The following ERC2 variants were observed in gnomAD, a reference collection of about 807,000 sequenced individuals.
The protein encoded by ERC2 is ERC protein 2.
In ERC2, 42 loss-of-function variants were observed where a neutral mutation model predicts 114.8. The observed-to-expected ratio is 0.37, with a 90% CI of 0.29 to 0.47. The LOEUF is 0.47. ERC2 is among the 20% of genes least tolerant of loss of function. ERC2 has a pLI of 0.99. For missense variants in ERC2, 939 were observed against 1,150.7 expected (o/e 0.82, Z 2.66); for synonymous variants, 454 against 425.5 (o/e 1.07, Z -0.82).
chr3:55,716,156 C>G (rs1482430704), intron 15 of ERC2, among the ~76,000 whole-genome samples: 1 of 152,148 alleles, frequency 6.6e-6, no homozygotes, highest in African/African-American at 2.4e-5. Flanking sequence ...ACAGTGGCTC[C>G]CTATGTCATG....
chr3:55,847,280 A>AT (rs938568358), intron 14 of ERC2, among the ~76,000 whole-genome samples: 78 of 151,594 alleles, frequency 5.1e-4, no homozygotes, highest in African/African-American at 1.9e-3. Context: ...TTAAATGAGG[A>AT]TTTTCACCCT....
intron 15 of ERC2, among the ~76,000 whole-genome samples, chr3:55,712,663 T>A (rs1022282182): frequency 6.6e-6 from 1 of 152,182 alleles, no homozygotes; most frequent in African/African-American, 2.4e-5. Context: ...GGAGACTCAA[T>A]AGCTATTTGA....
chr3:55,678,497 C>G (rs2061915525), intron 17 of ERC2, among the ~76,000 whole-genome samples: 1 of 152,090 alleles, frequency 6.6e-6, no homozygotes. Context: ...TTTGTTTTTC[C>G]ACAGATTGCT....
At chr3:56,181,303 A>T (rs1434418834) in intron 3 of ERC2, among the ~76,000 whole-genome samples, 1 of 152,210 alleles carries the variant, frequency 6.6e-6, no homozygotes, top group Non-Finnish European at 1.5e-5. Context: ...TTTTGTCTAC[A>T]GAGGTTATCA....
At chr3:55,681,159 T>G (rs17055734) in intron 17 of ERC2, among the ~76,000 whole-genome samples, 2,818 of 152,280 alleles carry the variant, frequency 0.019, 103 homozygotes, top group African/African-American at 0.065. Flanking sequence ...CACTCTTGAA[T>G]GACCATAGTG....
chr3:56,429,972 CG>C (rs2061723416), intron 2 of ERC2, among the ~76,000 whole-genome samples: 1 of 152,068 alleles, frequency 6.6e-6, no homozygotes, highest in Non-Finnish European at 1.5e-5. Context: ...CAGGAGCCCT[CG>C]ACAACGCTGC....
chr3:55,873,187 G>T (rs2062664528), intron 14 of ERC2, among the ~76,000 whole-genome samples: 1 of 152,194 alleles, frequency 6.6e-6, no homozygotes, highest in African/African-American at 2.4e-5. Flanking sequence ...GTTGATGGGA[G>T]CCAATGCAGA....
At chr3:55,515,904 G>T (rs956455586) in intron 17 of ERC2, among the ~76,000 whole-genome samples, 3 of 152,112 alleles carry the variant, frequency 2.0e-5, no homozygotes, top group African/African-American at 7.2e-5. Context: ...GGGAGAAAGG[G>T]GTCTTTGGTA....
chr3:56,212,586 C>G (rs1482348587), intron 3 of ERC2, among the ~76,000 whole-genome samples: 1 of 152,160 alleles, frequency 6.6e-6, no homozygotes, highest in Non-Finnish European at 1.5e-5. Flanking sequence ...CCATTTGATC[C>G]AGCAATCCCA....
chr3:55,906,214 C>T (rs1214816739), intron 13 of ERC2, among the ~76,000 whole-genome samples: 1 of 150,402 alleles, frequency 6.6e-6, no homozygotes, highest in Non-Finnish European at 1.5e-5. Context: ...CGGTGGCTCA[C>T]GAGGTCAGGA....
intron 14 of ERC2, among the ~76,000 whole-genome samples, chr3:55,813,089 G>GA (rs374137384): frequency 6.6e-5 from 10 of 152,174 alleles, no homozygotes; most frequent in African/African-American, 2.4e-4. Context: ...CCGAAGCACA[G>GA]AAAAACCAAG....
At chr3:56,113,150 G>A (rs984097371) in intron 6 of ERC2, among the ~76,000 whole-genome samples, 3 of 152,066 alleles carry the variant, frequency 2.0e-5, no homozygotes, top group African/African-American at 7.2e-5. Context: ...ATTTATAAGA[G>A]ATATCAGATT....
chr3:55,867,155 C>G (rs1455422871), intron 14 of ERC2, among the ~76,000 whole-genome samples: 2 of 151,684 alleles, frequency 1.3e-5, no homozygotes, highest in Non-Finnish European at 2.9e-5. Flanking sequence ...CTTCCTAAGT[C>G]CCTTCCTTTC....
intron 3 of ERC2, among the ~76,000 whole-genome samples, chr3:56,259,733 G>C (rs1242078451): frequency 6.6e-6 from 1 of 152,044 alleles, no homozygotes; most frequent in African/African-American, 2.4e-5. Context: ...CTGCCCTAAG[G>C]GACCATGGAA....
intron 14 of ERC2, among the ~76,000 whole-genome samples, chr3:55,744,398 G>T (rs945862334): frequency 6.6e-6 from 1 of 151,904 alleles, no homozygotes; most frequent in Non-Finnish European, 1.5e-5. Context: ...CAACAAGAGG[G>T]AAACTCCATC....
chr3:55,982,628 G>T (rs2070247418), intron 12 of ERC2, among the ~76,000 whole-genome samples: 1 of 152,104 alleles, frequency 6.6e-6, no homozygotes, highest in South Asian at 2.1e-4. Context: ...TTTCTTAAAT[G>T]GTTTGGTCAG....
At chr3:56,085,394 G>C (rs112308539) in intron 6 of ERC2, among the ~76,000 whole-genome samples, 144 of 152,290 alleles carry the variant, frequency 9.5e-4, no homozygotes, top group African/African-American at 3.4e-3. Context: ...TTACAAGAGA[G>C]AGTGGACATT....
intron 7 of ERC2, among the ~76,000 whole-genome samples, chr3:56,044,228 G>A (rs1013657446): frequency 1.3e-5 from 2 of 152,122 alleles, no homozygotes; most frequent in African/African-American, 4.8e-5. Context: ...GGGAGAATTC[G>A]TTTTGGGAAA....
intron 6 of ERC2, among the ~76,000 whole-genome samples, chr3:56,126,298 A>C (rs940195912): frequency 2.0e-5 from 3 of 152,262 alleles, no homozygotes; most frequent in African/African-American, 7.2e-5. Context: ...CTTGTTCACT[A>C]TATGCAAATC....
Sources: gnomAD v4.1 joint callset for allele counts (sites outside exome capture counted in the v4.1 genomes callset) on GRCh38, gnomAD v4.1.1 for gene constraint, MANE v1.5 for transcripts, NCBI Gene and HGNC (gene_info 2026-07-23, HGNC 2026-07-21) for gene names.